Variants in ADAM12 observed in about 807,000 individuals in gnomAD.
The protein encoded by ADAM12 is ADAM metallopeptidase domain 12.
A neutral mutation model predicts 106.4 loss-of-function variants in ADAM12; 70 were observed. The observed-to-expected ratio is 0.66, with a 90% CI of 0.54 to 0.80. The LOEUF is 0.80. Ranked by LOEUF, ADAM12 falls within the 30% of genes least tolerant of loss-of-function variation. The pLI, the probability that ADAM12 is intolerant of heterozygous loss-of-function variation, is 0.00. For synonymous variants in ADAM12, 420 were observed against 433.5 expected (o/e 0.97, Z 0.39); for missense variants, 1,010 against 1,171.9 (o/e 0.86, Z 2.02).
intron 8 of ADAM12, among the ~76,000 whole-genome samples, chr10:126,101,524 G>GTATGCTTTA (rs1275040074): frequency 6.6e-6 from 1 of 152,210 alleles, no homozygotes; most frequent in Non-Finnish European, 1.5e-5. Context: ...CATTTCAAAT[G>GTATGCTTTA]ACTCACTGGT....
At chr10:126,158,821 GCAGAGCACGGGGAGTAGATGCA>G (rs1360318528) in intron 3 of ADAM12, among the ~76,000 whole-genome samples, 2 of 124,954 alleles carry the variant, frequency 1.6e-5, no homozygotes, top group Non-Finnish European at 3.3e-5. Context: ...GGGAGGATGC[GCAGAGCACGGGGAGTAGATGCA>G]CAGAGCACGG....
intron 2 of ADAM12, among the ~76,000 whole-genome samples, chr10:126,290,737 T>A (rs148686257): frequency 1.3e-5 from 2 of 152,174 alleles, no homozygotes; most frequent in Non-Finnish European, 2.9e-5. Context: ...ATTTATTAAC[T>A]GAGGGCCTAT....
intron 14 of ADAM12, among the ~76,000 whole-genome samples, chr10:126,058,723 G>T (rs950810742): frequency 6.6e-6 from 1 of 152,184 alleles, no homozygotes; most frequent in Non-Finnish European, 1.5e-5. Flanking sequence ...CGGAGGAGGG[G>T]CCAACAGAGT....
At chr10:126,296,380 C>T (rs923218111) in intron 2 of ADAM12, among the ~76,000 whole-genome samples, 2 of 152,166 alleles carry the variant, frequency 1.3e-5, no homozygotes, top group Non-Finnish European at 2.9e-5. Context: ...AGCGATCCTC[C>T]CCATTCAGCC....
chr10:126,231,573 G>A (rs1222724702), intron 3 of ADAM12, among the ~76,000 whole-genome samples: 1 of 152,030 alleles, frequency 6.6e-6, no homozygotes, highest in East Asian at 1.9e-4. Flanking sequence ...CCTTGCCCTG[G>A]CGCAGGACTC....
At chr10:126,139,000 A>C (rs1434973131) in intron 4 of ADAM12, among the ~76,000 whole-genome samples, 1 of 152,088 alleles carries the variant, frequency 6.6e-6, no homozygotes, top group Non-Finnish European at 1.5e-5. Context: ...TGTCTTGGTG[A>C]CTTTCTCCAA....
intron 2 of ADAM12, among the ~76,000 whole-genome samples, chr10:126,329,862 G>A (rs566490502): frequency 1.1e-4 from 16 of 152,232 alleles, no homozygotes; most frequent in Non-Finnish European, 1.8e-4. Flanking sequence ...TACAAGCACT[G>A]AAATTTAAGA....
rs1331020911 is a variant in ADAM12 at position 126,014,352 on chromosome 10, G to A, written c.*2927C>T. ...TTTTTTTTTTTGAGGATGCATTGAT[G>A]TATTGATTTGCCTGGGAACAATGGC... On this transcript the variant is annotated 3_prime_UTR_variant, in exon 23 of 23. Coordinates refer to ENST00000448723, the MANE Select transcript of ADAM12 (RefSeq NM_001288973.2). The A allele has an allele frequency of 2.0e-5, 2 of 101,940 alleles. No individual in the cohort carries two copies. Among genetic ancestry groups the A allele is most frequent in the Non-Finnish European group, 3.6e-5 (2 of 55,366 alleles). 6.3% of individuals were successfully genotyped at this position (101,940 alleles called of 1,614,324 possible). A position where few individuals can be genotyped will look rare whatever the true frequency, so the allele number is the denominator to read the frequency against.
At chr10:126,152,008 GTTTTTT>G (rs59527849) in intron 4 of ADAM12, among the ~76,000 whole-genome samples, 60,371 of 133,130 alleles carry the variant, frequency 0.45, 12,958 homozygotes, top group East Asian at 0.77. Context: ...TCCCTCTTGA[GTTTTTT>G]TTTTTTTTTT....
At chr10:126,039,194 G>A (rs1268260609) in intron 19 of ADAM12, 100 bp downstream of exon 19, 17 of 1,413,178 alleles carry the variant, frequency 1.2e-5, no homozygotes, top group South Asian at 4.9e-5. Context: ...TGATCCGCCC[G>A]CCTCAGCCTC....
intron 3 of ADAM12, among the ~76,000 whole-genome samples, chr10:126,231,101 C>T (rs1168012907): frequency 6.6e-6 from 1 of 152,152 alleles, no homozygotes; most frequent in Admixed American, 6.5e-5. Flanking sequence ...TCTGAGGCCC[C>T]TATTGACTTT....
intron 5 of ADAM12, among the ~76,000 whole-genome samples, chr10:126,123,126 T>C (rs1195969182): frequency 6.6e-6 from 1 of 152,196 alleles, no homozygotes; most frequent in Admixed American, 6.5e-5. Context: ...AATTAAATAA[T>C]TGCTTTGGAC....
intron 5 of ADAM12, among the ~76,000 whole-genome samples, chr10:126,119,433 A>C (rs550885881): frequency 6.6e-6 from 1 of 152,218 alleles, no homozygotes. Flanking sequence ...TTTACTATTA[A>C]TAAGGGCAGA....
At chr10:126,328,067 C>A (rs1854370357) in intron 2 of ADAM12, among the ~76,000 whole-genome samples, 1 of 152,210 alleles carries the variant, frequency 6.6e-6, no homozygotes, top group African/African-American at 2.4e-5. Flanking sequence ...GCTTTCCTGG[C>A]CAAACTATCA....
chr10:126,330,040 T>C (rs1017759230), intron 2 of ADAM12, among the ~76,000 whole-genome samples: 3 of 152,360 alleles, frequency 2.0e-5, no homozygotes, highest in Middle Eastern at 3.4e-3. Context: ...GTTTTTAAGT[T>C]GCATAAATAT....
At chr10:126,199,799 C>T (rs1957664692) in intron 3 of ADAM12, among the ~76,000 whole-genome samples, 2 of 152,296 alleles carry the variant, frequency 1.3e-5, no homozygotes, top group Admixed American at 1.3e-4. Context: ...CATCCTATCC[C>T]TGTCTCTCTA....
intron 4 of ADAM12, among the ~76,000 whole-genome samples, chr10:126,136,979 C>T (rs976953275): frequency 4.6e-5 from 7 of 151,718 alleles, no homozygotes; most frequent in South Asian, 2.1e-4. Context: ...ATGCATTTGT[C>T]GCTCTCTTCA....
Position 126,049,642 on chromosome 10 carries a change from A to T in ADAM12, c.1637T>A (p.Phe546Tyr). 6.2e-7 allele frequency: 1 copy of T among 1,614,162 alleles called. No individual in the cohort carries two copies. Among genetic ancestry groups the T allele is most frequent in the Non-Finnish European group, 8.5e-7 (1 of 1,180,016 alleles). The change falls in exon 15 of 23, where the codon TTT becomes TAT. Residue 546 changes from phenylalanine (F) to tyrosine (Y), a missense_variant. By Grantham distance (22) the Phe-to-Tyr change is conservative. Transcript: ENST00000448723. The surrounding 1 kb of genome is among the most constrained non-coding windows in gnomAD (Gnocchi z 4.4). ...PGAKPAPGIC[F>Y]ERVNSAGDPY... ...ATCACCTGCAGAATTGACTCTCTCA[A>T]AGCAGATCCCAGGGGCAGGTTTAGC...
chr10:126,187,027 C>T (rs1249459456), intron 3 of ADAM12, among the ~76,000 whole-genome samples: 1 of 152,124 alleles, frequency 6.6e-6, no homozygotes, highest in East Asian at 1.9e-4. Flanking sequence ...CATGGTCTTC[C>T]CCTGTGTCTT....
Sources: gnomAD v4.1 joint callset for allele counts (sites outside exome capture counted in the v4.1 genomes callset) on GRCh38, gnomAD v4.1.1 for gene constraint, Gnocchi (gnomAD v3.1) non-coding constraint, MANE v1.5 for transcripts, NCBI Gene and HGNC (gene_info 2026-07-23, HGNC 2026-07-21) for gene names.